The following GBP5 variants were observed in gnomAD, a reference collection of about 807,000 sequenced individuals.
GBP5 encodes the protein guanylate binding protein 5, also known as guanylate-binding protein 5.
In GBP5, 48 loss-of-function variants were observed where a neutral mutation model predicts 58.2. The ratio of observed to expected loss-of-function variants is 0.83; its 90% CI spans 0.65 to 1.05. The LOEUF is 1.05. GBP5 is among the 50% of genes least tolerant of loss of function. The pLI is 0.00. For synonymous variants in GBP5, 248 were observed against 251.8 expected (o/e 0.98, Z 0.14); for missense variants, 714 against 686.8 (o/e 1.04, Z -0.44).
At chr1:89,271,593 T>C (rs1240760736) in intron 1 of GBP5, 1 of 152,216 alleles carries the variant, frequency 6.6e-6, no homozygotes, top group Non-Finnish European at 1.5e-5. Context: ...CATTTGTATA[T>C]GTAGTTGTTA....
intron 11 of GBP5, among the ~76,000 whole-genome samples, chr1:89,261,065 C>G (rs1378963135): frequency 6.6e-6 from 1 of 152,172 alleles, no homozygotes; most frequent in African/African-American, 2.4e-5. Flanking sequence ...TCCCTTCCCC[C>G]TTAAACCACA....
Position 89,264,689 on chromosome 1 carries a change from C to T in GBP5, c.1146G>A (p.Leu382=), listed in dbSNP as rs1020017140. Residue 382 remains leucine, a synonymous_variant, in exon 8 of 12, where the codon TTG becomes TTA. Transcript: ENST00000370459. ...KDVDQSFQKE[L]ETLLDAKQND... ...GAACTAGAAACAAAAATATCACCTC[C>T]AATTCTTTCTGGAAACTTTGGTCTA... 6.2e-7 allele frequency: 1 copy of T among 1,613,040 alleles called. No homozygotes were observed. Among genetic ancestry groups the T allele is most frequent in the Non-Finnish European group, 8.5e-7 (1 of 1,179,092 alleles).
rs998386896 is a variant in GBP5, at chr1:89,256,259, A to G, written c.*4445T>C. On this transcript the variant is annotated 3_prime_UTR_variant, in exon 12 of 12. Transcript: ENST00000370459. ...AAAAGAATACAAACAATGTAATTCC[A>G]TTTAAATAAAGTTTGAAAACAGGCC... Among the ~76,000 whole-genome samples the G allele has an allele frequency of 2.7e-4, 41 of 152,198 alleles. 1 individual carries two copies. Among genetic ancestry groups the G allele is most frequent in the African/African-American group, 8.7e-4 (36 of 41,448 alleles).
At chr1:89,261,465 T>C (rs1212046474) in intron 11 of GBP5, among the ~76,000 whole-genome samples, 1 of 152,198 alleles carries the variant, frequency 6.6e-6, no homozygotes, top group Non-Finnish European at 1.5e-5. Context: ...GCAAAAACAC[T>C]GCAGATTCCA....
intron 7 of GBP5, 76 bp downstream of exon 7, chr1:89,266,270 T>C: frequency 7.8e-7 from 1 of 1,283,954 alleles, no homozygotes; most frequent in Middle Eastern, 1.9e-4. Context: ...ACATTGACAA[T>C]GCAAGGATAA....
chr1:89,262,690 CTTT>C lies in GBP5; in HGVS notation c.1455_1457del (p.Lys488del). The C allele has an allele frequency of 6.3e-7, 1 of 1,593,830 alleles. No individual in the cohort carries two copies. The highest frequency in any genetic ancestry group is 8.6e-7 in the Non-Finnish European group (1 of 1,163,430). ...TTTCCACTTTCTTCTCACCTTTCTT[CTTT>C]TTTTCCGTCTCTGTGAGAGCCTGGT... On this transcript the variant is annotated inframe_deletion, in exon 10 of 12. Transcript: ENST00000370459.
Position 89,260,783 on chromosome 1 carries a change from G to A in GBP5, c.1682C>T (p.Ala561Val). ...QAAQLSTTFQ[A>V]QNRSLLSELQ... ...CTCACTGAGAAGGCTTCTATTTTGA[G>A]CTTGGAATGTTGTGCTGAGCTGTGC... Residue 561 changes from alanine to valine, a missense_variant, in exon 12 of 12, where the codon GCT (alanine) becomes GTT (valine). Ala to Val is a moderately conservative substitution (Grantham distance 64, BLOSUM62 0). Transcript: ENST00000370459. 1 of 1,614,044 alleles carries A rather than the reference G, an allele frequency of 6.2e-7. No individual in the cohort carries two copies. The highest frequency in any genetic ancestry group is 1.3e-5 in the African/African-American group (1 of 75,022).
At position 89,260,748 on chromosome 1, in the gene GBP5, C is replaced by T. The variant is rs1223761206; in HGVS notation, c.1717G>A (p.Ala573Thr). The change falls in exon 12 of 12, where the codon GCC becomes ACC. Residue 573 changes from alanine to threonine, a missense_variant. Coordinates refer to ENST00000370459, the MANE Select transcript of GBP5 (RefSeq NM_052942.5). Reference sequence around the variant, plus strand: ...TCATCGTTATTAACAGTCCTCTGGGCGTGCTGGAGCTCACTGAGAAGGCTT... The same window carrying T: ...TCATCGTTATTAACAGTCCTCTGGGTGTGCTGGAGCTCACTGAGAAGGCTT... ...NRSLLSELQH[A>T]QRTVNNDDPC... 9 of 1,613,768 alleles carry T rather than the reference C, an allele frequency of 5.6e-6. No homozygotes were observed. Among genetic ancestry groups the T allele is most frequent in the South Asian group, 2.2e-5 (2 of 91,068 alleles).
chr1:89,265,605 G>A (rs951654193), intron 7 of GBP5, among the ~76,000 whole-genome samples: 4 of 151,460 alleles, frequency 2.6e-5, no homozygotes. Context: ...GCGGGTGCCT[G>A]TAGTCCCAGC....
At chr1:89,271,058 G>C (rs1381901828) in intron 1 of GBP5, 196 bp from the exon 2 acceptor site, 1 of 152,162 alleles carries the variant, frequency 6.6e-6, no homozygotes, top group African/African-American at 2.4e-5. Flanking sequence ...ATGTCATCTG[G>C]ATAGCATCTT....
intron 2 of GBP5, chr1:89,270,407 C>T (rs954093762): frequency 5.9e-5 from 9 of 152,182 alleles, no homozygotes; most frequent in Admixed American, 2.0e-4. Flanking sequence ...ACTTCACTAT[C>T]CGCTTGACGA....
intron 3 of GBP5, 138 bp from the exon 4 acceptor site, chr1:89,268,994 T>C: frequency 2.4e-6 from 2 of 836,362 alleles, no homozygotes; most frequent in African/African-American, 1.7e-5. Flanking sequence ...TGAATGATGA[T>C]GCAGAAATGG....
intron 7 of GBP5, among the ~76,000 whole-genome samples, chr1:89,265,939 C>T (rs894316435): frequency 6.6e-6 from 1 of 152,104 alleles, no homozygotes. Context: ...GGGTTTTAGA[C>T]AATTTGGGCC....
Position 89,266,542 on chromosome 1 carries a change from TA to T in GBP5, c.671del (p.Ile224AsnfsTer33). On this transcript the variant is annotated frameshift_variant, in exon 7 of 12. Transcript: ENST00000370459. LOFTEE classifies it high-confidence loss of function. ...ATTTCTTTTTTGGAAAGAACTTCTGTATACACAGACGGGGCAAATTGAAATT... is the reference window on the plus strand; with the variant it reads ...ATTTCTTTTTTGGAAAGAACTTCTGTTACACAGACGGGGCAAATTGAAATT... ...VQNFNLPRLC[I>X]QKFFPKKKCF... The T allele has an allele frequency of 1.2e-6, 2 of 1,613,600 alleles. No homozygotes were observed. Among genetic ancestry groups the T allele is most frequent in the African/African-American group, 2.7e-5 (2 of 75,048 alleles).
chr1:89,264,617 T>C (rs1307798107), intron 8 of GBP5, 69 bp downstream of exon 8: 1 of 1,393,774 alleles, frequency 7.2e-7, no homozygotes, highest in African/African-American at 1.4e-5. Flanking sequence ...CTAAGTCCTA[T>C]TTTATCATTC....
In GBP5 at chr1:89,259,961, G is replaced by A. The variant is rs1217445751; in HGVS notation, c.*743C>T. The A allele has an allele frequency of 6.6e-6, 1 of 152,288 alleles. No homozygotes were observed. The highest frequency in any genetic ancestry group is 1.9e-4 in the East Asian group (1 of 5,190). The allele number at this position is 152,288 out of a possible 1,614,324, so 9.4% of individuals were successfully genotyped here. ...GTTAATAAATTTGCTTGCCGACTTT[G>A]GGTCTTCTTGTCCTTTCTCTTGGCT... On this transcript the variant is annotated 3_prime_UTR_variant, in exon 12 of 12. Coordinates refer to ENST00000370459, the MANE Select transcript of GBP5 (RefSeq NM_052942.5).
At chr1:89,266,256 G>T in intron 7 of GBP5, 90 bp downstream of exon 7, 1 of 1,137,044 alleles carries the variant, frequency 8.8e-7, no homozygotes, top group Non-Finnish European at 1.3e-6. Context: ...CTATGCATTT[G>T]TCAACATTGA....
In GBP5 at chr1:89,260,747, G is replaced by GCGTGC; in HGVS notation, c.1713_1717dup (p.Ala573GlyfsTer65). ...ATCATCGTTATTAACAGTCCTCTGG[G>GCGTGC]CGTGCTGGAGCTCACTGAGAAGGCT... On this transcript the variant is annotated frameshift_variant, in exon 12 of 12. Transcript: ENST00000370459. LOFTEE classifies it low-confidence loss of function (END_TRUNC). The GCGTGC allele has an allele frequency of 6.2e-7, 1 of 1,613,924 alleles. No individual in the cohort carries two copies. Among genetic ancestry groups the GCGTGC allele is most frequent in the Non-Finnish European group, 8.5e-7 (1 of 1,179,878 alleles).
intron 8 of GBP5, 92 bp downstream of exon 8, chr1:89,264,594 T>C: frequency 9.1e-7 from 1 of 1,102,778 alleles, no homozygotes. Context: ...CAATCTAGTA[T>C]TTTTTTTCTT....
Sources: allele counts gnomAD v4.1 joint callset (sites outside exome capture counted in the v4.1 genomes callset), GRCh38; gene constraint gnomAD v4.1.1; transcripts MANE v1.5; gene names NCBI Gene and HGNC (gene_info 2026-07-23, HGNC 2026-07-21).